CDH13: variants seen among roughly 807,000 people sequenced by gnomAD.
The protein encoded by CDH13 is cadherin 13.
Under a neutral mutation model 63.8 loss-of-function variants are expected in CDH13, and 24 were observed. The ratio of observed to expected loss-of-function variants is 0.38; its 90% CI spans 0.27 to 0.53. The LOEUF (loss-of-function observed/expected upper bound fraction) is 0.53. Among genes scored for constraint, CDH13 ranks in the 20% least tolerant of loss-of-function variants. The pLI is 0.85. For missense variants in CDH13, 1,049 were observed against 903.1 expected, an observed-to-expected ratio of 1.16 and a Z score of -2.07; for synonymous variants, 503 against 355.3, an observed-to-expected ratio of 1.42 and a Z score of -4.67.
At chr16:83,407,518 A>G (rs1340867262) in intron 6 of CDH13, among the ~76,000 whole-genome samples, 1 of 152,186 alleles carries the variant, frequency 6.6e-6, no homozygotes, top group Admixed American at 6.5e-5. Context: ...CAGAAAAAAA[A>G]TTATTTCTAA....
At chr16:82,771,764 T>C (rs62034525) in intron 1 of CDH13, among the ~76,000 whole-genome samples, 7,852 of 152,258 alleles carry the variant, frequency 0.052, 253 homozygotes, top group Middle Eastern at 0.12. Context: ...GAAAAACGTA[T>C]AGGGAAGTGG....
At chr16:83,041,431 A>C (rs569176481) in intron 3 of CDH13, among the ~76,000 whole-genome samples, 82 of 152,250 alleles carry the variant, frequency 5.4e-4, no homozygotes, top group Middle Eastern at 3.4e-3. Flanking sequence ...CAGTAGAAGG[A>C]GCCACTTGGG....
intron 4 of CDH13, among the ~76,000 whole-genome samples, chr16:83,191,489 G>GCA (rs2038703676): frequency 2.2e-5 from 1 of 46,298 alleles, no homozygotes; most frequent in Non-Finnish European, 4.4e-5. Context: ...ATATATATAT[G>GCA]CACATATATA....
At chr16:82,851,588 G>T (rs2039489270) in intron 1 of CDH13, among the ~76,000 whole-genome samples, 1 of 152,110 alleles carries the variant, frequency 6.6e-6, no homozygotes, top group Non-Finnish European at 1.5e-5. Context: ...CAGGTTTTCT[G>T]TGTTCCTGGG....
At chr16:83,221,970 G>A (rs552821420) in intron 5 of CDH13, among the ~76,000 whole-genome samples, 1 of 152,290 alleles carries the variant, frequency 6.6e-6, no homozygotes, top group African/African-American at 2.4e-5. Context: ...GGCTAAACAG[G>A]TTCCCAAGAT....
chr16:83,269,294 G>A (rs1001714150), intron 5 of CDH13, among the ~76,000 whole-genome samples: 1 of 152,158 alleles, frequency 6.6e-6, no homozygotes, highest in Non-Finnish European at 1.5e-5. Context: ...AAAGTGGGGG[G>A]CAGATCCTAT....
At chr16:82,785,437 CA>C (rs1177638456) in intron 1 of CDH13, among the ~76,000 whole-genome samples, 1 of 152,198 alleles carries the variant, frequency 6.6e-6, no homozygotes, top group African/African-American at 2.4e-5. Context: ...CCTCAATGTG[CA>C]CTTCTGCGGA....
At chr16:83,545,475 C>G (rs2150660323) in intron 7 of CDH13, among the ~76,000 whole-genome samples, 1 of 152,334 alleles carries the variant, frequency 6.6e-6, no homozygotes, top group Non-Finnish European at 1.5e-5. Flanking sequence ...TTAAAGAAGT[C>G]TCATTGTCTG....
chr16:82,804,304 C>G lies in CDH13; in HGVS notation c.46-54058C>G, dbSNP rs2056432321. Among the ~76,000 whole-genome samples, 5 of 149,024 alleles carry G rather than the reference C, an allele frequency of 3.4e-5. No individual in the cohort carries two copies. The South Asian group carries it at 6.4e-4, about 19-fold the overall frequency. The stretch of plus-strand genomic sequence containing the variant: ...ACACACACACACACACACACACACA[C>G]ACACACACGCACACACATACAAATA... On this transcript the variant is annotated intron_variant, in intron 1 of 13. Transcript: ENST00000567109.
intron 2 of CDH13, among the ~76,000 whole-genome samples, chr16:82,923,066 G>A (rs2042204084): frequency 6.6e-6 from 1 of 152,140 alleles, no homozygotes; most frequent in African/African-American, 2.4e-5. Flanking sequence ...CAAAAAAAAT[G>A]TTGACATAGA....
intron 6 of CDH13, among the ~76,000 whole-genome samples, chr16:83,448,408 G>A (rs954425760): frequency 1.3e-5 from 2 of 152,182 alleles, no homozygotes; most frequent in African/African-American, 4.8e-5. Context: ...GCAGTTCTGT[G>A]CATGACACTG....
intron 11 of CDH13, among the ~76,000 whole-genome samples, chr16:83,755,728 G>C (rs1263309613): frequency 1.4e-5 from 2 of 147,022 alleles, no homozygotes; most frequent in African/African-American, 5.0e-5. Flanking sequence ...TCAAAATCAA[G>C]GTGAATTAAA....
At chr16:83,368,904 A>T (rs1411304504) in intron 6 of CDH13, among the ~76,000 whole-genome samples, 9 of 63,944 alleles carry the variant, frequency 1.4e-4, no homozygotes, top group Non-Finnish European at 2.5e-4. Flanking sequence ...ATATATATAT[A>T]TATATATATA....
intron 1 of CDH13, among the ~76,000 whole-genome samples, chr16:82,745,397 A>G (rs2034117208): frequency 6.6e-6 from 1 of 152,212 alleles, no homozygotes; most frequent in Non-Finnish European, 1.5e-5. Flanking sequence ...TAACAACATT[A>G]CAGAAAGCTG....
At chr16:83,784,244 C>T (rs1028719379) in intron 13 of CDH13, among the ~76,000 whole-genome samples, 1 of 152,162 alleles carries the variant, frequency 6.6e-6, no homozygotes. Flanking sequence ...TTTTATCCTA[C>T]TGACAGTGGT....
chr16:83,653,210 A>AT (rs1360737816), intron 8 of CDH13, among the ~76,000 whole-genome samples: 4 of 152,198 alleles, frequency 2.6e-5, no homozygotes, highest in African/African-American at 9.7e-5. Context: ...TGTTAAAAAA[A>AT]TTCTAAAATT....
At chr16:83,062,442 G>A (rs909367048) in intron 3 of CDH13, among the ~76,000 whole-genome samples, 4 of 152,114 alleles carry the variant, frequency 2.6e-5, no homozygotes, top group Admixed American at 2.0e-4. Context: ...GTATCAATGT[G>A]GTAAGTGAAT....
intron 7 of CDH13, among the ~76,000 whole-genome samples, chr16:83,599,372 C>G (rs1907568868): frequency 6.6e-6 from 1 of 152,208 alleles, no homozygotes. Flanking sequence ...AAAAGCTAAA[C>G]ATTCTCGTAG....
At chr16:83,349,535 C>G (rs1314076297) in intron 6 of CDH13, among the ~76,000 whole-genome samples, 1 of 151,826 alleles carries the variant, frequency 6.6e-6, no homozygotes, top group Non-Finnish European at 1.5e-5. Context: ...GGGACAGATA[C>G]CAGGTAAGGT....
Sources: allele counts gnomAD v4.1 joint callset (sites outside exome capture counted in the v4.1 genomes callset), GRCh38; gene constraint gnomAD v4.1.1; transcripts MANE v1.5; gene names NCBI Gene and HGNC (gene_info 2026-07-23, HGNC 2026-07-21).